Variants in PCSK5 observed in about 807,000 individuals in gnomAD.
PCSK5 encodes proprotein convertase subtilisin/kexin type 5.
In PCSK5, 129 loss-of-function variants were observed where a neutral mutation model predicts 233.2. That is an observed-to-expected ratio of 0.55 (90% confidence interval 0.48 to 0.64). The LOEUF (loss-of-function observed/expected upper bound fraction) is 0.64. PCSK5 is among the 30% of genes least tolerant of loss of function. The probability of loss-of-function intolerance (pLI) is 0.00; values close to 1 mark genes in which losing one functional copy is unlikely to be tolerated. For missense variants in PCSK5, 2,076 were observed against 2,430.1 expected, an observed-to-expected ratio of 0.85 and a Z score of 3.06; for synonymous variants, 825 against 879.2, an observed-to-expected ratio of 0.94 and a Z score of 1.09.
intron 2 of PCSK5, among the ~76,000 whole-genome samples, chr9:75,980,378 A>G (rs748487357): frequency 6.6e-6 from 1 of 152,206 alleles, no homozygotes; most frequent in Non-Finnish European, 1.5e-5. Context: ...ATGTATATGC[A>G]GTGTTTATTT....
chr9:75,969,836 A>T (rs1825741687), intron 2 of PCSK5, among the ~76,000 whole-genome samples: 1 of 151,318 alleles, frequency 6.6e-6, no homozygotes, highest in African/African-American at 2.4e-5. Flanking sequence ...GGCAAGCGAG[A>T]ATTCTCAAAC....
chr9:76,362,818 G>C lies in PCSK5; in HGVS notation c.*3896G>C, dbSNP rs1052159506. 1.8e-4 allele frequency among the ~76,000 whole-genome samples: 28 copies of C among 152,116 alleles called. 1 individual carries two copies. Among genetic ancestry groups the C allele is most frequent in the Admixed American group, 1.7e-3 (26 of 15,266 alleles). ...ACTGGTGCATGCAGTCCCCAGTCAC[G>C]TACCCCCTGCTTGCTCAATCGATCA... On this transcript the variant is annotated 3_prime_UTR_variant, in exon 38 of 38. Transcript: ENST00000674117.
chr9:76,157,971 A>G (rs184499665), intron 11 of PCSK5, among the ~76,000 whole-genome samples: 10 of 152,340 alleles, frequency 6.6e-5, no homozygotes, highest in Admixed American at 2.6e-4. Flanking sequence ...CTCATTTGAA[A>G]AATGTGGAAA....
At chr9:75,905,432 G>A (rs952080936) in intron 1 of PCSK5, among the ~76,000 whole-genome samples, 1 of 152,216 alleles carries the variant, frequency 6.6e-6, no homozygotes, top group African/African-American at 2.4e-5. Context: ...CAGAAAGAGG[G>A]CTTGAGCCCA....
chr9:76,273,597 T>TATA (rs1827600498), intron 24 of PCSK5, among the ~76,000 whole-genome samples: 3 of 105,144 alleles, frequency 2.9e-5, no homozygotes, highest in African/African-American at 8.0e-5. Flanking sequence ...ATATATATAT[T>TATA]TGTACTGCTT....
chr9:76,201,556 G>T (rs1824915652), intron 20 of PCSK5, among the ~76,000 whole-genome samples: 1 of 152,222 alleles, frequency 6.6e-6, no homozygotes, highest in Non-Finnish European at 1.5e-5. Context: ...TATGATTGTG[G>T]AGTGTGCGAC....
chr9:76,178,561 T>C (rs1244366321), intron 14 of PCSK5, among the ~76,000 whole-genome samples: 1 of 152,202 alleles, frequency 6.6e-6, no homozygotes, highest in Non-Finnish European at 1.5e-5. Flanking sequence ...AACATTTTTT[T>C]ATGTTTCTGT....
intron 24 of PCSK5, among the ~76,000 whole-genome samples, chr9:76,284,440 A>G (rs1827989166): frequency 6.7e-6 from 1 of 150,222 alleles, no homozygotes. Context: ...CATGTAAGAC[A>G]TGTCTTTGCT....
intron 28 of PCSK5, among the ~76,000 whole-genome samples, chr9:76,303,080 T>C (rs1439814246): frequency 6.6e-6 from 1 of 151,756 alleles, no homozygotes. Flanking sequence ...CAATCTTTTA[T>C]GATAAAGAAC....
intron 2 of PCSK5, among the ~76,000 whole-genome samples, chr9:75,976,274 C>CCACACACACACACACA (rs10562995): frequency 2.8e-5 from 4 of 141,590 alleles, no homozygotes; most frequent in East Asian, 2.1e-4. Context: ...CACACAGACA[C>CCACACACACACACACA]CACACACACA....
intron 9 of PCSK5, among the ~76,000 whole-genome samples, chr9:76,129,789 C>A (rs1196595820): frequency 6.6e-6 from 1 of 152,148 alleles, no homozygotes; most frequent in Non-Finnish European, 1.5e-5. Context: ...AAATGTCTCT[C>A]TTAGGAGATG....
intron 5 of PCSK5, among the ~76,000 whole-genome samples, chr9:76,047,289 G>A (rs1405064922): frequency 6.6e-6 from 1 of 151,864 alleles, no homozygotes; most frequent in Non-Finnish European, 1.5e-5. Flanking sequence ...GTAGAGATGG[G>A]GTTTCACCGT....
At chr9:75,918,464 T>C (rs1038665398) in intron 1 of PCSK5, among the ~76,000 whole-genome samples, 1 of 152,246 alleles carries the variant, frequency 6.6e-6, no homozygotes, top group Non-Finnish European at 1.5e-5. Flanking sequence ...GGCCACACTT[T>C]GAGAGCCACT....
At chr9:76,172,430 T>G (rs889080587) in intron 13 of PCSK5, among the ~76,000 whole-genome samples, 3 of 151,604 alleles carry the variant, frequency 2.0e-5, no homozygotes, top group African/African-American at 7.3e-5. Flanking sequence ...ATAGTAGAGG[T>G]TCTAAGGAAA....
intron 7 of PCSK5, among the ~76,000 whole-genome samples, chr9:76,092,153 A>G (rs1831317270): frequency 1.3e-5 from 2 of 152,090 alleles, no homozygotes; most frequent in African/African-American, 4.8e-5. Context: ...CCTACCTCTT[A>G]AGGGCAAAAG....
intron 24 of PCSK5, among the ~76,000 whole-genome samples, chr9:76,264,815 T>G (rs1827285029): frequency 6.6e-6 from 1 of 152,158 alleles, no homozygotes; most frequent in Non-Finnish European, 1.5e-5. Flanking sequence ...GGAAGGCACT[T>G]TGGAGATTTC....
At chr9:76,021,474 C>T (rs772778201) in intron 3 of PCSK5, among the ~76,000 whole-genome samples, 7 of 151,770 alleles carry the variant, frequency 4.6e-5, no homozygotes, top group Non-Finnish European at 1.0e-4. Flanking sequence ...ACTGAAGGCA[C>T]GAGGGAGAGA....
At position 76,227,501 on chromosome 9, in the gene PCSK5, A is replaced by G; in HGVS notation, c.2627-2A>G. ...AATAAACAACTAGATTTTGTTCCCC[A>G]GGAGAATATGTTGATGAGCATGGCC... On this transcript the variant is annotated splice_acceptor_variant, in intron 20 of 37. Transcript: ENST00000674117. LOFTEE classifies it high-confidence loss of function. 2 of 1,605,092 alleles carry G rather than the reference A, an allele frequency of 1.2e-6. No individual in the cohort carries two copies. Among genetic ancestry groups the G allele is most frequent in the Non-Finnish European group, 1.7e-6 (2 of 1,173,910 alleles).
At chr9:76,163,859 C>CTTTTTT (rs67386134) in intron 12 of PCSK5, among the ~76,000 whole-genome samples, 29 of 97,888 alleles carry the variant, frequency 3.0e-4, no homozygotes, top group African/African-American at 4.0e-4. Context: ...AAAAAGCTGT[C>CTTTTTT]TTTTTTTTTT....
Sources: gnomAD v4.1 joint callset for allele counts (sites outside exome capture counted in the v4.1 genomes callset) on GRCh38, gnomAD v4.1.1 for gene constraint, MANE v1.5 for transcripts, NCBI Gene and HGNC (gene_info 2026-07-23, HGNC 2026-07-21) for gene names.